ATR: variants seen among roughly 807,000 people sequenced by gnomAD.
ATR encodes the protein ATR checkpoint kinase, also known as serine/threonine-protein kinase ATR.
A neutral mutation model predicts 305.3 loss-of-function variants in ATR; 142 were observed. The ratio of observed to expected loss-of-function variants is 0.47; its 90% confidence interval spans 0.41 to 0.53. The LOEUF is 0.53. Ranked by LOEUF, ATR falls within the 20% of genes least tolerant of loss-of-function variation. The pLI is 0.00. For missense variants in ATR, 2,135 were observed against 3,133.1 expected (o/e 0.68, Z 7.60); for synonymous variants, 1,050 against 1,068.1 (o/e 0.98, Z 0.33).
intron 7 of ATR, 83 bp from the exon 8 acceptor site, chr3:142,558,859 A>C (rs190181672): frequency 7.4e-7 from 1 of 1,349,944 alleles, no homozygotes; most frequent in Non-Finnish European, 1.0e-6. Flanking sequence ...CATTTGAAAT[A>C]CTATCATAAT....
Position 142,524,002 on chromosome 3 carries a change from A to G in ATR, c.4143T>C (p.Phe1381=). The change falls in exon 22 of 47, where the codon TTT becomes TTC. Residue 1381 remains phenylalanine (F), a synonymous_variant. Coordinates refer to ENST00000350721, the MANE Select transcript of ATR (RefSeq NM_001184.4). Reference sequence around the variant, plus strand: ...AATTTCCACTACTTACCACAAATGTAAAATCTTTTCCTTGAGTTTCAGTTG... The same window carrying G: ...AATTTCCACTACTTACCACAAATGTGAAATCTTTTCCTTGAGTTTCAGTTG... ...FSTTETQGKD[F]TFVTGVEDSS... The G allele has an allele frequency of 6.2e-7, 1 of 1,613,976 alleles. No homozygotes were observed. The highest frequency in any genetic ancestry group is 8.5e-7 in the Non-Finnish European group (1 of 1,179,834).
chr3:142,528,452 T>C (rs182526064), intron 21 of ATR, among the ~76,000 whole-genome samples: 1 of 152,240 alleles, frequency 6.6e-6, no homozygotes, highest in East Asian at 1.9e-4. Context: ...AGTATCCATT[T>C]TGGTCATATT....
Position 142,497,016 on chromosome 3 carries a change from T to C in ATR, c.5735A>G (p.Lys1912Arg), listed in dbSNP as rs762913799. ...ALRRALLSLN[K>R]RPDYNEMVGE... is the part of the protein sequence containing the mutation. ...TAAAAAAAGTAGTGTGAGAAACCTT[T>C]TGTTGAGGCTTAGTAAAGCCCTCCG... The change falls in exon 33 of 47, where the codon AAA becomes AGA. Residue 1912 changes from lysine (K) to arginine (R), a missense_variant. Physicochemically the swap from Lys to Arg is conservative, Grantham distance 26 (BLOSUM62 2). Around this residue, in one of 9 missense-constraint regions of ATR, gnomAD observed 30 missense variants for 26.7 expected, o/e 1.12. Transcript: ENST00000350721. 6.2e-7 allele frequency: 1 copy of C among 1,612,648 alleles called. No individual in the cohort carries two copies. Among genetic ancestry groups the C allele is most frequent in the African/African-American group, 1.3e-5 (1 of 74,914 alleles).
chr3:142,485,052 A>G, intron 36 of ATR, 88 bp downstream of exon 36: 1 of 1,563,798 alleles, frequency 6.4e-7, no homozygotes, highest in Non-Finnish European at 8.8e-7. Context: ...GAAAATACCT[A>G]GAATATGCTA....
At chr3:142,481,322 G>T (rs1021700968) in intron 36 of ATR, among the ~76,000 whole-genome samples, 1 of 152,164 alleles carries the variant, frequency 6.6e-6, no homozygotes, top group South Asian at 2.1e-4. Flanking sequence ...TATGGTTTTT[G>T]TCCTTCATTC....
chr3:142,556,084 C>G lies in ATR; in HGVS notation c.2134G>C (p.Gly712Arg), dbSNP rs2108471565. Reference sequence around the variant, plus strand: ...CCGTGAAGAGTACAGACAAGTTGACCAAGTATAGAAGCAAATTCTTTCTTG... The same window carrying G: ...CCGTGAAGAGTACAGACAAGTTGACGAAGTATAGAAGCAAATTCTTTCTTG... Reference protein sequence around the residue: ...IVKKEFASILGQLVCTLHGMF... With the variant: ...IVKKEFASILRQLVCTLHGMF... The change falls in exon 10 of 47, where the codon GGT becomes CGT. Residue 712 changes from glycine to arginine, a missense_variant. Around this residue, in one of 9 missense-constraint regions of ATR, gnomAD observed 744 missense variants for 873.2 expected, o/e 0.85. Transcript: ENST00000350721. The G allele has an allele frequency of 6.2e-7, 1 of 1,613,568 alleles. No homozygotes were observed. The highest frequency in any genetic ancestry group is 8.5e-7 in the Non-Finnish European group (1 of 1,179,818).
At chr3:142,531,769 C>G (rs532095824) in intron 21 of ATR, among the ~76,000 whole-genome samples, 302 of 152,188 alleles carry the variant, frequency 2.0e-3, no homozygotes, top group Admixed American at 3.6e-3. Context: ...GGGTATATAC[C>G]CAGTAATGGG....
chr3:142,574,037 G>A (rs965209514), intron 1 of ATR, among the ~76,000 whole-genome samples: 3 of 152,230 alleles, frequency 2.0e-5, no homozygotes, highest in Admixed American at 6.5e-5. Context: ...AGCCAGGATT[G>A]TGGGTAGTGG....
At chr3:142,453,791 C>T (rs1309003698) in intron 45 of ATR, among the ~76,000 whole-genome samples, 1 of 152,206 alleles carries the variant, frequency 6.6e-6, no homozygotes, top group Non-Finnish European at 1.5e-5. Flanking sequence ...TAGGAATCAT[C>T]CTCACCCCGT....
intron 29 of ATR, among the ~76,000 whole-genome samples, chr3:142,504,248 A>AGGTG: frequency 6.6e-6 from 1 of 152,302 alleles, no homozygotes; most frequent in South Asian, 2.1e-4. Context: ...AGAGACGTGC[A>AGGTG]GGTGGGTGAG....
At chr3:142,536,809 GA>G (rs1367153240) in intron 19 of ATR, among the ~76,000 whole-genome samples, 9 of 152,160 alleles carry the variant, frequency 5.9e-5, no homozygotes, top group Non-Finnish European at 1.2e-4. Context: ...ATTGTTTTAA[GA>G]TACTAGGTTT....
At chr3:142,467,904 A>G (rs376297529) in intron 39 of ATR, 30 bp downstream of exon 39, 11 of 1,608,018 alleles carry the variant, frequency 6.8e-6, no homozygotes, top group Non-Finnish European at 9.3e-6. Flanking sequence ...ACCCAACATC[A>G]GTTTATAAGC....
In ATR at chr3:142,483,441, A is replaced by G. The variant is rs561218286; in HGVS notation, c.6221+1699T>C. ...ATTTCACCTATTAACTAGTTTAAGA[A>G]TAAGTACTTTCTACAAGTCTAATGT... On this transcript the variant is annotated intron_variant, in intron 36 of 46. Coordinates refer to ENST00000350721, the MANE Select transcript of ATR (RefSeq NM_001184.4). Among the ~76,000 whole-genome samples, 4 of 152,310 alleles carry G rather than the reference A, an allele frequency of 2.6e-5. No homozygotes were observed. The South Asian group carries it at 8.3e-4, about 32-fold the overall frequency.
chr3:142,463,559 G>A (rs1321181178), intron 41 of ATR, among the ~76,000 whole-genome samples: 1 of 152,096 alleles, frequency 6.6e-6, no homozygotes, highest in Non-Finnish European at 1.5e-5. Context: ...ACCATGCCTG[G>A]CTAATTTTTG....
At chr3:142,517,403 T>C (rs2032914731) in intron 24 of ATR, among the ~76,000 whole-genome samples, 1 of 151,176 alleles carries the variant, frequency 6.6e-6, no homozygotes, top group Non-Finnish European at 1.5e-5. Flanking sequence ...AGCAAAAATA[T>C]GAATATGCTT....
intron 41 of ATR, 101 bp downstream of exon 41, chr3:142,464,996 T>C: frequency 8.3e-6 from 6 of 722,120 alleles, no homozygotes; most frequent in Non-Finnish European, 7.8e-6. Context: ...TGATAGTAAT[T>C]ATAGCAACTC....
At chr3:142,543,263 G>C (rs2034122437) in intron 16 of ATR, among the ~76,000 whole-genome samples, 1 of 152,032 alleles carries the variant, frequency 6.6e-6, no homozygotes, top group African/African-American at 2.4e-5. Flanking sequence ...CAAGACCATG[G>C]GCATCAAAAG....
intron 36 of ATR, among the ~76,000 whole-genome samples, chr3:142,475,205 G>T (rs866206568): frequency 6.6e-6 from 1 of 152,010 alleles, no homozygotes; most frequent in Non-Finnish European, 1.5e-5. Context: ...CCATTAACTC[G>T]TCATTTAACA....
intron 35 of ATR, among the ~76,000 whole-genome samples, chr3:142,491,520 T>C (rs2031275932): frequency 6.6e-6 from 1 of 152,230 alleles, no homozygotes; most frequent in Non-Finnish European, 1.5e-5. Context: ...AGTTTTTGTG[T>C]GCCTCATAAG....
Sources: allele counts gnomAD v4.1 joint callset (sites outside exome capture counted in the v4.1 genomes callset), GRCh38; gene constraint gnomAD v4.1.1; regional missense constraint gnomAD v4.1.1; transcripts MANE v1.5; gene names NCBI Gene and HGNC (gene_info 2026-07-23, HGNC 2026-07-21).